The following ERC2 variants were observed in gnomAD, a reference collection of about 807,000 sequenced individuals.
The protein encoded by ERC2 is ERC protein 2.
ERC2 carries 42 observed loss-of-function variants against 114.8 expected under a neutral mutation model. The observed-to-expected ratio is 0.37, with a 90% CI of 0.29 to 0.47. The LOEUF (loss-of-function observed/expected upper bound fraction) is 0.47, where lower values mean the gene tolerates loss of function less well. ERC2 is among the 20% of genes least tolerant of loss of function. The probability of loss-of-function intolerance (pLI) is 0.99; values close to 1 mark genes in which losing one functional copy is unlikely to be tolerated. For synonymous variants in ERC2, 454 were observed against 425.5 expected, an observed-to-expected ratio of 1.07 and a Z score of -0.82; for missense variants, 939 against 1,150.7, an observed-to-expected ratio of 0.82 and a Z score of 2.66.
At chr3:55,656,741 C>T (rs2060885368) in intron 17 of ERC2, among the ~76,000 whole-genome samples, 1 of 152,210 alleles carries the variant, frequency 6.6e-6, no homozygotes, top group Admixed American at 6.5e-5. Flanking sequence ...ACTCCGAAGG[C>T]CAGCTGAATT....
chr3:56,160,598 T>C (rs1032563495), intron 4 of ERC2, among the ~76,000 whole-genome samples: 1 of 152,212 alleles, frequency 6.6e-6, no homozygotes, highest in African/African-American at 2.4e-5. Flanking sequence ...TCTGGGATTC[T>C]TAGAGTTTGA....
At chr3:56,460,451 G>T (rs937734641) in intron 1 of ERC2, among the ~76,000 whole-genome samples, 1 of 152,150 alleles carries the variant, frequency 6.6e-6, no homozygotes, top group Non-Finnish European at 1.5e-5. Context: ...CAAAGGCAAA[G>T]CTCCTGCCTT....
intron 14 of ERC2, among the ~76,000 whole-genome samples, chr3:55,773,705 C>T (rs558965366): frequency 7.2e-5 from 11 of 152,320 alleles, no homozygotes; most frequent in African/African-American, 2.2e-4. Context: ...GAATATGGCA[C>T]AGTGCTTCCA....
At chr3:56,027,894 C>A (rs1285275388) in intron 7 of ERC2, among the ~76,000 whole-genome samples, 1 of 152,118 alleles carries the variant, frequency 6.6e-6, no homozygotes, top group Non-Finnish European at 1.5e-5. Context: ...AAGATTTTCT[C>A]CTATAGTTTT....
chr3:55,721,848 C>T (rs558738109), intron 15 of ERC2, among the ~76,000 whole-genome samples: 108 of 152,364 alleles, frequency 7.1e-4, no homozygotes, highest in African/African-American at 2.5e-3. Flanking sequence ...TACCCCAGCA[C>T]CCTAAGTGGC....
At chr3:56,334,088 G>A (rs2150467476) in intron 2 of ERC2, among the ~76,000 whole-genome samples, 1 of 152,284 alleles carries the variant, frequency 6.6e-6, no homozygotes, top group Middle Eastern at 3.4e-3. Context: ...GGGATCCATG[G>A]TGTCATCTTT....
intron 17 of ERC2, among the ~76,000 whole-genome samples, chr3:55,571,454 C>T (rs995015166): frequency 3.9e-5 from 6 of 152,152 alleles, no homozygotes; most frequent in Non-Finnish European, 8.8e-5. Context: ...TCTCACACTC[C>T]AGACCATTAT....
intron 17 of ERC2, among the ~76,000 whole-genome samples, chr3:55,583,424 T>TCCC: frequency 1.6e-5 from 2 of 128,916 alleles, no homozygotes; most frequent in African/African-American, 6.0e-5. Context: ...CCTTCCTTCC[T>TCCC]TCCTTCCTTC....
intron 6 of ERC2, among the ~76,000 whole-genome samples, chr3:56,115,737 A>G (rs2079192241): frequency 6.6e-6 from 1 of 152,022 alleles, no homozygotes; most frequent in Non-Finnish European, 1.5e-5. Context: ...CCAAACAACT[A>G]AGGACTGGGA....
intron 13 of ERC2, among the ~76,000 whole-genome samples, chr3:55,930,056 T>C (rs1357664896): frequency 6.6e-6 from 1 of 152,104 alleles, no homozygotes; most frequent in Non-Finnish European, 1.5e-5. Context: ...CTGGCCAACA[T>C]GGTGAAACCC....
Position 56,090,472 on chromosome 3 carries a change from C to T in ERC2, c.1474-9488G>A, listed in dbSNP as rs140009677. On this transcript the variant is annotated intron_variant, in intron 6 of 17. Transcript: ENST00000288221. Reference sequence around the variant, plus strand: ...CAGGTTTGTGATTTATTGAAACATACGGTTGTAAGGTTGGAGGTAGTGGAG... The same window carrying T: ...CAGGTTTGTGATTTATTGAAACATATGGTTGTAAGGTTGGAGGTAGTGGAG... Among the ~76,000 whole-genome samples, 354 of 152,118 alleles carry T rather than the reference C, an allele frequency of 2.3e-3. 2 individuals carry two copies. Among genetic ancestry groups the T allele is most frequent in the Non-Finnish European group, 3.4e-3 (232 of 67,998 alleles).
At chr3:55,667,097 A>G (rs905845031) in intron 17 of ERC2, among the ~76,000 whole-genome samples, 2 of 152,174 alleles carry the variant, frequency 1.3e-5, no homozygotes, top group Admixed American at 6.5e-5. Context: ...TAAAATTCCT[A>G]TGCTTGTGGA....
intron 17 of ERC2, among the ~76,000 whole-genome samples, chr3:55,525,872 T>C (rs1216893135): frequency 1.3e-5 from 2 of 152,190 alleles, no homozygotes; most frequent in Non-Finnish European, 2.9e-5. Flanking sequence ...GAACAATTCC[T>C]TGGGTGGTGT....
chr3:55,517,827 T>G (rs1480817316), intron 17 of ERC2, among the ~76,000 whole-genome samples: 4 of 152,258 alleles, frequency 2.6e-5, no homozygotes, highest in African/African-American at 9.6e-5. Flanking sequence ...ATCAGATATC[T>G]GCCATTTAAC....
At chr3:56,337,432 T>C (rs2057903248) in intron 2 of ERC2, among the ~76,000 whole-genome samples, 2 of 152,196 alleles carry the variant, frequency 1.3e-5, no homozygotes, top group South Asian at 2.1e-4. Flanking sequence ...TAACCGTAAG[T>C]ACTCAACCTC....
intron 14 of ERC2, among the ~76,000 whole-genome samples, chr3:55,854,521 C>CT (rs2061708316): frequency 6.6e-6 from 1 of 152,152 alleles, no homozygotes; most frequent in African/African-American, 2.4e-5. Flanking sequence ...CTGGGGCCTG[C>CT]TGCAGAGCAG....
intron 17 of ERC2, among the ~76,000 whole-genome samples, chr3:55,642,633 C>T (rs779434250): frequency 1.3e-5 from 2 of 151,960 alleles, no homozygotes; most frequent in Non-Finnish European, 2.9e-5. Flanking sequence ...CCAACCAGAT[C>T]GCAGCTTTAA....
intron 2 of ERC2, among the ~76,000 whole-genome samples, chr3:56,377,065 AC>A (rs1401729760): frequency 6.6e-6 from 1 of 152,090 alleles, no homozygotes; most frequent in East Asian, 1.9e-4. Flanking sequence ...AACTCAATGA[AC>A]TGTTTACTGT....
At chr3:55,702,862 T>C (rs777453659) in intron 15 of ERC2, among the ~76,000 whole-genome samples, 1 of 151,994 alleles carries the variant, frequency 6.6e-6, no homozygotes, top group Non-Finnish European at 1.5e-5. Context: ...TAATATAGAG[T>C]TGGAGAGGGA....
Sources: allele counts gnomAD v4.1 joint callset (sites outside exome capture counted in the v4.1 genomes callset), GRCh38; gene constraint gnomAD v4.1.1; transcripts MANE v1.5; gene names NCBI Gene and HGNC (gene_info 2026-07-23, HGNC 2026-07-21).